The following NPC1 variants were observed in gnomAD, a reference collection of about 807,000 sequenced individuals.
The protein encoded by NPC1 is NPC intracellular cholesterol transporter 1.
Under a neutral mutation model 140.4 loss-of-function variants are expected in NPC1, and 85 were observed. The observed-to-expected ratio is 0.61, with a 90% CI of 0.51 to 0.72. The LOEUF is 0.72. Among genes scored for constraint, NPC1 ranks in the 30% least tolerant of loss-of-function variants. The probability of loss-of-function intolerance (pLI) is 0.00; values close to 1 mark genes in which losing one functional copy is unlikely to be tolerated. For synonymous variants in NPC1, 656 were observed against 624.8 expected (o/e 1.05, Z -0.74); for missense variants, 1,504 against 1,623.8 (o/e 0.93, Z 1.27).
At chr18:23,552,564 AGGAAGCAGGT>A (rs1247936865) in intron 9 of NPC1, among the ~76,000 whole-genome samples, 3 of 152,368 alleles carry the variant, frequency 2.0e-5, no homozygotes, top group African/African-American at 7.2e-5. Flanking sequence ...GCAAAGAAAC[AGGAAGCAGGT>A]GGAACAGTAA....
intron 6 of NPC1, among the ~76,000 whole-genome samples, chr18:23,558,500 A>G (rs1598980936): frequency 6.6e-6 from 1 of 152,238 alleles, no homozygotes; most frequent in East Asian, 1.9e-4. Flanking sequence ...ATACCTGACC[A>G]GTATCATCAA....
chr18:23,549,955 G>A (rs891923315), intron 10 of NPC1, among the ~76,000 whole-genome samples: 4 of 150,718 alleles, frequency 2.7e-5, no homozygotes, highest in Non-Finnish European at 5.9e-5. Context: ...TTTTGGCCAG[G>A]CTGAGATGAG....
In NPC1 at chr18:23,556,514, C is replaced by A. The variant is rs149020783; in HGVS notation, c.1055G>T (p.Cys352Phe). 15 of 1,614,170 alleles carry A rather than the reference C, an allele frequency of 9.3e-6. No individual in the cohort carries two copies. Among genetic ancestry groups the A allele is most frequent in the Non-Finnish European group, 1.2e-5 (14 of 1,180,026 alleles). ...GAAGACCAGCGAGAAGAAAATGACA[C>A]AGCCAGGGTTTCGGACGCAGAAAGA... ...WGSFCVRNPG[C>F]VIFFSLVFIT... Residue 352 changes from cysteine to phenylalanine, a missense_variant, in exon 8 of 25, where the codon TGT (cysteine) becomes TTT (phenylalanine). By Grantham distance (205) the Cys-to-Phe change is radical. Coordinates refer to ENST00000269228, the MANE Select transcript of NPC1 (RefSeq NM_000271.5).
intron 6 of NPC1, 48 bp downstream of exon 6, chr18:23,560,183 T>G (rs1161733539): frequency 6.2e-7 from 1 of 1,612,206 alleles, no homozygotes; most frequent in Admixed American, 1.7e-5. Context: ...AAAGTGCCAG[T>G]GGGCAATTTT....
At chr18:23,516,019 A>G (rs763162774) in intron 3 of NPC1, 2 of 1,613,866 alleles carry the variant, frequency 1.2e-6, no homozygotes, top group African/African-American at 1.3e-5. Flanking sequence ...CTCCCCTGAA[A>G]AAAACACCTT....
At chr18:23,531,212 A>G (rs2058493070), downstream of NPC1, among the ~76,000 whole-genome samples, 1 of 152,058 alleles carries the variant, frequency 6.6e-6, no homozygotes, top group African/African-American at 2.4e-5. Flanking sequence ...GCTGGTCTCA[A>G]ACTCCTGACC....
intron 10 of NPC1, 27 bp downstream of exon 10, chr18:23,551,600 G>C (rs754439587): frequency 6.5e-7 from 1 of 1,529,672 alleles, no homozygotes; most frequent in South Asian, 1.1e-5. Flanking sequence ...TTATCTAAAA[G>C]GAAAAGTCAA....
At chr18:23,515,905 A>G (rs1339387243) in intron 3 of NPC1, 10 of 1,613,990 alleles carry the variant, frequency 6.2e-6, no homozygotes, top group Non-Finnish European at 8.5e-6. Context: ...CACAATCTCA[A>G]TGTGAATTGG....
At chr18:23,555,580 GA>G (rs2145451725) in intron 8 of NPC1, among the ~76,000 whole-genome samples, 1 of 152,316 alleles carries the variant, frequency 6.6e-6, no homozygotes, top group South Asian at 2.1e-4. Flanking sequence ...ATGTTTAAAG[GA>G]AAAACCATGT....
In NPC1 at chr18:23,539,746, G is replaced by A. The variant is rs780955379; in HGVS notation, c.2795+65C>T. On this transcript the variant is annotated intron_variant, in intron 18 of 24. Transcript: ENST00000269228. ...ATTTTCAGTGAGACATTTCAGGCCT[G>A]AGCTGACTGCCTGGCTGAGAGCCTC... is the stretch of plus-strand genomic sequence containing the variant. 8.1e-5 allele frequency: 125 copies of A among 1,537,050 alleles called. 1 individual carries two copies. Among genetic ancestry groups the A allele is most frequent in the Non-Finnish European group, 1.0e-4 (112 of 1,110,972 alleles).
chr18:23,577,619 C>A (rs2059304121), intron 1 of NPC1, among the ~76,000 whole-genome samples: 1 of 152,264 alleles, frequency 6.6e-6, no homozygotes, highest in South Asian at 2.1e-4. Flanking sequence ...CAGTCCTGCG[C>A]CGTGCGCCTG....
chr18:23,545,010 G>C lies in NPC1; in HGVS notation c.1897C>G (p.Leu633Val), dbSNP rs2058768646. ...TGCCCCAAGGCTAGGGAAATATATA[G>C]AAACATGATGGCATAGCTAATTACA... is the stretch of plus-strand genomic sequence containing the variant. The part of the protein sequence containing the change: ...TVVISYAIMF[L>V]YISLALGHMK... Residue 633 changes from leucine (L) to valine (V), a missense_variant, in exon 12 of 25, where the codon CTA becomes GTA. Physicochemically the swap from Leu to Val is conservative, Grantham distance 32. Transcript: ENST00000269228. 1 of 1,573,124 alleles carries C rather than the reference G, an allele frequency of 6.4e-7. No individual in the cohort carries two copies. Among genetic ancestry groups the C allele is most frequent in the Admixed American group, 1.8e-5 (1 of 55,968 alleles).
At chr18:23,561,309 G>A (rs1219596015) in intron 5 of NPC1, 51 bp downstream of exon 5, 2 of 1,597,850 alleles carry the variant, frequency 1.3e-6, no homozygotes, top group East Asian at 2.2e-5. Context: ...CCAGTTCCTT[G>A]GCTTTAAAAC....
Position 23,554,831 on chromosome 18 carries a change from C to T in NPC1, c.1480G>A (p.Val494Met), listed in dbSNP as rs199812609. 250 of 1,614,010 alleles carry T rather than the reference C, an allele frequency of 1.5e-4. No homozygotes were observed. The highest frequency in any genetic ancestry group is 1.7e-4 in the Non-Finnish European group (199 of 1,180,042). The change falls in exon 9 of 25, where the codon GTG becomes ATG. Residue 494 changes from valine (V) to methionine (M), a missense_variant. Physicochemically the swap from Val to Met is conservative, Grantham distance 21 (BLOSUM62 1). Transcript: ENST00000269228. ...VLNYFQNSHSVLDHKKGDDFF... is the reference protein window; with the variant it reads ...VLNYFQNSHSMLDHKKGDDFF... ...TCGTCCCCTTTCTTGTGGTCCAGCACGGAATGGCTGTTCTGGAAGTAATTT... is the reference window on the plus strand; with the variant it reads ...TCGTCCCCTTTCTTGTGGTCCAGCATGGAATGGCTGTTCTGGAAGTAATTT...
At chr18:23,562,462 G>T (rs2059057390) in intron 4 of NPC1, among the ~76,000 whole-genome samples, 1 of 151,816 alleles carries the variant, frequency 6.6e-6, no homozygotes, top group Non-Finnish European at 1.5e-5. Context: ...GTCTCTGCTT[G>T]CTAGAAACTT....
At chr18:23,524,106 C>G (rs1264787543) in intron 1 of NPC1, 1 of 1,613,560 alleles carries the variant, frequency 6.2e-7, no homozygotes, top group Non-Finnish European at 8.5e-7. Flanking sequence ...TGCATCGTTG[C>G]ACTTATGTTT....
chr18:23,525,219 T>C (rs1163329443), downstream of NPC1, among the ~76,000 whole-genome samples: 1 of 151,996 alleles, frequency 6.6e-6, no homozygotes, highest in Non-Finnish European at 1.5e-5. Context: ...GTGCTGGGAT[T>C]ACAGGCATGA....
chr18:23,518,129 C>T (rs1438821254), downstream of NPC1, among the ~76,000 whole-genome samples: 1 of 152,266 alleles, frequency 6.6e-6, no homozygotes, highest in Non-Finnish European at 1.5e-5. Flanking sequence ...AGGCCCAGCA[C>T]AGAGTTTACC....
chr18:23,531,409 C>T, downstream of NPC1: 1 of 921,310 alleles, frequency 1.1e-6, no homozygotes, highest in Non-Finnish European at 1.5e-6. Flanking sequence ...TGTAAGACGG[C>T]ATTTAGTTAC....
Sources: gnomAD v4.1 joint callset for allele counts (sites outside exome capture counted in the v4.1 genomes callset) on GRCh38, gnomAD v4.1.1 for gene constraint, MANE v1.5 for transcripts, NCBI Gene and HGNC (gene_info 2026-07-23, HGNC 2026-07-21) for gene names.